COX7B2: variants seen among roughly 807,000 people sequenced by gnomAD.
COX7B2 encodes cytochrome c oxidase subunit 7B2, mitochondrial.
For missense variants in COX7B2, 109 were observed against 95.9 expected, an observed-to-expected ratio of 1.14 and a Z score of -0.57; for synonymous variants, 37 against 32.1, an observed-to-expected ratio of 1.15 and a Z score of -0.51.
In COX7B2 at chr4:46,818,965, G is replaced by A. The variant is rs1238570559; in HGVS notation, c.-50+25995C>T. ...CTTTCTACTTATTACAGTGTATCAGGTGCTTTATACAGTAGGGTGCTCGAT... is the reference window on the plus strand; with the variant it reads ...CTTTCTACTTATTACAGTGTATCAGATGCTTTATACAGTAGGGTGCTCGAT... On this transcript the variant is annotated intron_variant, in intron 2 of 2. Coordinates refer to ENST00000355591, the MANE Select transcript of COX7B2 (RefSeq NM_130902.3). Among the ~76,000 whole-genome samples, 5 of 152,230 alleles carry A rather than the reference G, an allele frequency of 3.3e-5. No homozygotes were observed. The East Asian group carries it at 5.8e-4, about 18-fold the overall frequency.
chr4:46,764,133 A>G (rs1259483080), intron 2 of COX7B2, among the ~76,000 whole-genome samples: 2 of 152,216 alleles, frequency 1.3e-5, no homozygotes, highest in South Asian at 2.1e-4. Flanking sequence ...AAGATTCTTT[A>G]GCATAGTTGC....
At chr4:46,759,516 C>T (rs535445376) in intron 2 of COX7B2, among the ~76,000 whole-genome samples, 4 of 151,712 alleles carry the variant, frequency 2.6e-5, no homozygotes, top group Non-Finnish European at 5.9e-5. Context: ...AAAAACAACC[C>T]CATCAAAAAG....
chr4:46,799,232 A>T (rs900914313), intron 2 of COX7B2, among the ~76,000 whole-genome samples: 15 of 152,088 alleles, frequency 9.9e-5, no homozygotes, highest in African/African-American at 3.6e-4. Context: ...ACTTTACTAA[A>T]GTTGTTTATC....
intron 1 of COX7B2, among the ~76,000 whole-genome samples, chr4:46,855,328 A>G (rs900496397): frequency 2.0e-5 from 3 of 152,076 alleles, no homozygotes; most frequent in African/African-American, 7.2e-5. Context: ...AAAAATATTT[A>G]TATATTATTT....
intron 1 of COX7B2, among the ~76,000 whole-genome samples, chr4:46,880,187 T>C (rs1718620065): frequency 6.6e-6 from 1 of 152,150 alleles, no homozygotes; most frequent in Non-Finnish European, 1.5e-5. Flanking sequence ...GTTATTTTGT[T>C]GAGGATTTTT....
chr4:46,848,545 G>A (rs1446487556), intron 1 of COX7B2, among the ~76,000 whole-genome samples: 3 of 152,032 alleles, frequency 2.0e-5, no homozygotes, highest in East Asian at 1.9e-4. Flanking sequence ...TTTATCTATA[G>A]GGAGCATACT....
chr4:46,885,793 T>C (rs899448953), intron 1 of COX7B2, among the ~76,000 whole-genome samples: 1 of 152,154 alleles, frequency 6.6e-6, no homozygotes, highest in African/African-American at 2.4e-5. Flanking sequence ...CTGTAATATA[T>C]AAGAAGGCAA....
At chr4:46,890,699 G>A (rs751091529) in intron 1 of COX7B2, among the ~76,000 whole-genome samples, 1 of 152,204 alleles carries the variant, frequency 6.6e-6, no homozygotes, top group Non-Finnish European at 1.5e-5. Flanking sequence ...TGGACAGAGG[G>A]ACTAGAAAGT....
At chr4:46,743,717 G>A (rs1482235973) in intron 2 of COX7B2, among the ~76,000 whole-genome samples, 1 of 152,168 alleles carries the variant, frequency 6.6e-6, no homozygotes, top group Non-Finnish European at 1.5e-5. Context: ...TTCTTTGAGA[G>A]GGATGGCATG....
At chr4:46,851,233 G>C (rs142607039) in intron 1 of COX7B2, among the ~76,000 whole-genome samples, 1 of 151,884 alleles carries the variant, frequency 6.6e-6, no homozygotes, top group South Asian at 2.1e-4. Context: ...TATTTGAGAG[G>C]AACCAGAAAA....
chr4:46,809,685 C>T (rs1719188612), intron 2 of COX7B2, among the ~76,000 whole-genome samples: 1 of 151,808 alleles, frequency 6.6e-6, no homozygotes, highest in Admixed American at 6.6e-5. Flanking sequence ...TATCACCTAA[C>T]ATTGTTTCAT....
Position 46,862,639 on chromosome 4 carries a change from G to T in COX7B2, c.-104-17625C>A, listed in dbSNP as rs1717406382. ...TGATAAATAAGACTAATTTAAGATT[G>T]TTGGTTCAATAAAAACACCTGAATC... On this transcript the variant is annotated intron_variant, in intron 1 of 2. Transcript: ENST00000355591. Among the ~76,000 whole-genome samples the T allele has an allele frequency of 2.6e-5, 4 of 152,244 alleles. No homozygotes were observed. In the South Asian group the frequency reaches 8.3e-4, roughly 32 times the overall value.
At chr4:46,900,457 G>GCTCTCA (rs1254039871) in intron 1 of COX7B2, among the ~76,000 whole-genome samples, 7 of 152,108 alleles carry the variant, frequency 4.6e-5, no homozygotes, top group African/African-American at 1.7e-4. Flanking sequence ...AACTGACCTG[G>GCTCTCA]CTCTCACTGT....
chr4:46,812,228 C>G (rs921955482), intron 2 of COX7B2, among the ~76,000 whole-genome samples: 2 of 152,112 alleles, frequency 1.3e-5, no homozygotes, highest in African/African-American at 4.8e-5. Flanking sequence ...TAGGCTCACT[C>G]TCCAAAGCAC....
intron 2 of COX7B2, among the ~76,000 whole-genome samples, chr4:46,829,958 G>A (rs1331283356): frequency 2.0e-5 from 3 of 152,104 alleles, no homozygotes; most frequent in African/African-American, 4.8e-5. Context: ...ATAATTAAAC[G>A]GAGAAATTGG....
At chr4:46,807,105 A>C (rs1719040572) in intron 2 of COX7B2, among the ~76,000 whole-genome samples, 1 of 150,816 alleles carries the variant, frequency 6.6e-6, no homozygotes, top group Non-Finnish European at 1.5e-5. Flanking sequence ...CTTTTTTTTT[A>C]TAATGGCCAT....
intron 1 of COX7B2, among the ~76,000 whole-genome samples, chr4:46,869,403 C>T (rs1160369641): frequency 6.6e-6 from 1 of 152,000 alleles, no homozygotes; most frequent in African/African-American, 2.4e-5. Flanking sequence ...TGGGTTTGAT[C>T]TTATCATTGT....
rs142399036 is a variant in COX7B2, at chr4:46,830,921, G to A, written c.-50+14039C>T. On this transcript the variant is annotated intron_variant, in intron 2 of 2. Transcript: ENST00000355591. ...TGCTCGCTCTTGGCGCCTCCTAGGC[G>A]TCGGCGCCCACTCTGGCCGCACTTG... is the stretch of plus-strand genomic sequence containing the variant. Among the ~76,000 whole-genome samples, 721 of 152,330 alleles carry A rather than the reference G, an allele frequency of 4.7e-3. 5 individuals are homozygous for A. The highest frequency in any genetic ancestry group is 0.034 in the Middle Eastern group (10 of 294).
At position 46,890,873 on chromosome 4, in the gene COX7B2, G is replaced by A. The variant is rs80117087; in HGVS notation, c.-105+18287C>T. ...AAGTCACTAGAGAATTTTGCACAGA[G>A]GATAATAGCATAGTTACATTTTAAA... On this transcript the variant is annotated intron_variant, in intron 1 of 2. Transcript: ENST00000355591. Among the ~76,000 whole-genome samples, 1,287 of 152,228 alleles carry A rather than the reference G, an allele frequency of 8.5e-3. 17 individuals carry two copies. Among genetic ancestry groups the A allele is most frequent in the African/African-American group, 0.029 (1,222 of 41,532 alleles).
Sources: allele counts gnomAD v4.1 joint callset (sites outside exome capture counted in the v4.1 genomes callset), GRCh38; gene constraint gnomAD v4.1.1; transcripts MANE v1.5; gene names NCBI Gene and HGNC (gene_info 2026-07-23, HGNC 2026-07-21).